Variants in VPS13B observed in about 807,000 individuals in gnomAD.
VPS13B encodes vacuolar protein sorting 13 homolog B.
VPS13B carries 285 observed loss-of-function variants against 426.4 expected under a neutral mutation model. That is an observed-to-expected ratio of 0.67 (90% CI 0.61 to 0.74). The LOEUF (loss-of-function observed/expected upper bound fraction) is 0.74. Ranked by LOEUF, VPS13B falls within the 30% of genes least tolerant of loss-of-function variation. The pLI is 0.00. For synonymous variants in VPS13B, 1,676 were observed against 1,676.4 expected, an observed-to-expected ratio of 1.00 and a Z score of 0.01; for missense variants, 4,537 against 4,782.6, an observed-to-expected ratio of 0.95 and a Z score of 1.51.
chr8:99,687,116 C>T (rs188446877), intron 35 of VPS13B, among the ~76,000 whole-genome samples: 5 of 152,138 alleles, frequency 3.3e-5, no homozygotes, highest in Admixed American at 1.3e-4. Context: ...CATCAAGGCA[C>T]GGTTCCCTTC....
chr8:99,419,393 G>A (rs1816252372), intron 21 of VPS13B, among the ~76,000 whole-genome samples: 1 of 152,110 alleles, frequency 6.6e-6, no homozygotes, highest in Non-Finnish European at 1.5e-5. Flanking sequence ...CTTTATAGCA[G>A]TGTGAAAACA....
In VPS13B at chr8:99,806,089, C is replaced by T. The variant is rs116363672; in HGVS notation, c.7942-3286C>T. Among the ~76,000 whole-genome samples, 474 of 152,324 alleles carry T rather than the reference C, an allele frequency of 3.1e-3. 2 individuals are homozygous for T. Among genetic ancestry groups the T allele is most frequent in the African/African-American group, 0.01 (419 of 41,572 alleles). ...CAACTCCTGCAGTCTTCCTGCCTCT[C>T]CACGTGCTCTCACTCTTTGTCAGCA... On this transcript the variant is annotated intron_variant, in intron 43 of 61. Transcript: ENST00000357162.
intron 6 of VPS13B, among the ~76,000 whole-genome samples, chr8:99,112,900 TC>T (rs1477681322): frequency 6.6e-6 from 1 of 152,120 alleles, no homozygotes; most frequent in Non-Finnish European, 1.5e-5. Flanking sequence ...ACTGAAAAAG[TC>T]CCTTATCATA....
At chr8:99,440,031 T>A (rs1474268843) in intron 22 of VPS13B, among the ~76,000 whole-genome samples, 1 of 152,154 alleles carries the variant, frequency 6.6e-6, no homozygotes, top group African/African-American at 2.4e-5. Flanking sequence ...TACTTAGATA[T>A]GTAGCCCTTG....
intron 35 of VPS13B, among the ~76,000 whole-genome samples, chr8:99,670,061 GT>G (rs949005806): frequency 6.6e-6 from 1 of 152,016 alleles, no homozygotes; most frequent in African/African-American, 2.4e-5. Context: ...GAAATTTTAA[GT>G]TGTTTACCCC....
chr8:99,870,130 C>T (rs1413770304), intron 59 of VPS13B, among the ~76,000 whole-genome samples: 1 of 152,142 alleles, frequency 6.6e-6, no homozygotes, highest in Non-Finnish European at 1.5e-5. Flanking sequence ...TTTGACTAGC[C>T]TTAGCACAGA....
In VPS13B at chr8:99,770,332, G is replaced by A. The variant is rs1811419929; in HGVS notation, c.7247+3362G>A. 2.1e-5 allele frequency among the ~76,000 whole-genome samples: 3 copies of A among 143,150 alleles called. No individual in the cohort carries two copies. The Admixed American group carries it at 2.1e-4, about 10-fold the overall frequency. 93.9% of individuals were successfully genotyped at this position (143,150 alleles called of 152,430 possible). A position where few individuals can be genotyped will look rare whatever the true frequency, so the allele number is the denominator to read the frequency against. Reference sequence around the variant, plus strand: ...GTGCACTGGACTAGAGGCAAGGGATGCACCCTCTGGAGCCCTGGTCATGCT... The same window carrying A: ...GTGCACTGGACTAGAGGCAAGGGATACACCCTCTGGAGCCCTGGTCATGCT... On this transcript the variant is annotated intron_variant, in intron 40 of 61. Coordinates refer to ENST00000357162, the MANE Select transcript of VPS13B (RefSeq NM_152564.5).
Position 99,391,720 on chromosome 8 carries a change from T to C in VPS13B, c.3082+16T>C, listed in dbSNP as rs1814457883. 6.2e-7 allele frequency: 1 copy of C among 1,613,410 alleles called. No individual in the cohort carries two copies. Among genetic ancestry groups the C allele is most frequent in the Non-Finnish European group, 8.5e-7 (1 of 1,179,620 alleles). On this transcript the variant is annotated intron_variant, in intron 21 of 61. Transcript: ENST00000357162. The stretch of plus-strand genomic sequence containing the variant: ...ACGGTAACAGGTATGTGTCAAGTAC[T>C]GTAAAGGGACTATGATTGTACTCTA...
chr8:99,596,638 C>A (rs1424639976), intron 33 of VPS13B, among the ~76,000 whole-genome samples: 1 of 151,934 alleles, frequency 6.6e-6, no homozygotes, highest in African/African-American at 2.4e-5. Flanking sequence ...GGGACCCCTC[C>A]CTACAAGGAC....
At chr8:99,865,581 C>A (rs1302205130) in intron 58 of VPS13B, among the ~76,000 whole-genome samples, 1 of 152,196 alleles carries the variant, frequency 6.6e-6, no homozygotes, top group Non-Finnish European at 1.5e-5. Flanking sequence ...CCCTCCAATA[C>A]CACCATCTGC....
At chr8:99,856,982 C>G (rs1317122665) in intron 56 of VPS13B, among the ~76,000 whole-genome samples, 4 of 152,150 alleles carry the variant, frequency 2.6e-5, no homozygotes, top group Non-Finnish European at 5.9e-5. Context: ...ATCCTGAGGC[C>G]CCTCTCTAAC....
At chr8:99,251,439 T>G (rs781447268) in intron 17 of VPS13B, among the ~76,000 whole-genome samples, 10 of 152,170 alleles carry the variant, frequency 6.6e-5, no homozygotes, top group Non-Finnish European at 1.2e-4. Flanking sequence ...TTTTTCTTCT[T>G]TAGCCTGTTC....
chr8:99,310,946 A>G (rs139718613), intron 19 of VPS13B, among the ~76,000 whole-genome samples: 13 of 152,108 alleles, frequency 8.5e-5, no homozygotes, highest in East Asian at 7.7e-4. Flanking sequence ...AGATTTTCTA[A>G]TTTATTTGCG....
chr8:99,241,725 AAT>A (rs1197949142), intron 17 of VPS13B, among the ~76,000 whole-genome samples: 2 of 152,192 alleles, frequency 1.3e-5, no homozygotes, highest in African/African-American at 4.8e-5. Flanking sequence ...TGTTTCTTTT[AAT>A]ATGTCTTCTC....
chr8:99,081,204 T>C (rs1326523616), intron 3 of VPS13B, among the ~76,000 whole-genome samples: 1 of 152,224 alleles, frequency 6.6e-6, no homozygotes, highest in Non-Finnish European at 1.5e-5. Flanking sequence ...TTTTCAGTTC[T>C]CTTTATTCTT....
At chr8:99,396,974 ATCTTTTATGCCTAGG>A (rs1814758305) in intron 21 of VPS13B, among the ~76,000 whole-genome samples, 1 of 152,198 alleles carries the variant, frequency 6.6e-6, no homozygotes, top group Non-Finnish European at 1.5e-5. Context: ...TGGAAAATCT[ATCTTTTATGCCTAGG>A]TCTCCAAGAG....
At chr8:99,429,941 T>G (rs1339352956) in intron 21 of VPS13B, among the ~76,000 whole-genome samples, 1 of 152,170 alleles carries the variant, frequency 6.6e-6, no homozygotes, top group African/African-American at 2.4e-5. Context: ...TAACCTCATG[T>G]CCTACTTTTC....
intron 43 of VPS13B, among the ~76,000 whole-genome samples, chr8:99,807,342 AC>A (rs1242819938): frequency 1.3e-5 from 2 of 152,214 alleles, no homozygotes; most frequent in African/African-American, 4.8e-5. Context: ...TACATTGTGT[AC>A]ATTAAAACTT....
chr8:99,166,790 T>A (rs889725921), intron 15 of VPS13B, among the ~76,000 whole-genome samples: 1 of 152,192 alleles, frequency 6.6e-6, no homozygotes, highest in African/African-American at 2.4e-5. Context: ...CTGAAGGACT[T>A]ACTCTTACTG....
Sources: allele counts gnomAD v4.1 joint callset (sites outside exome capture counted in the v4.1 genomes callset), GRCh38; gene constraint gnomAD v4.1.1; transcripts MANE v1.5; gene names NCBI Gene and HGNC (gene_info 2026-07-23, HGNC 2026-07-21).